The following TMEM200A variants were observed in gnomAD, a reference collection of about 807,000 sequenced individuals.
TMEM200A encodes the protein transmembrane protein 200A.
TMEM200A carries 12 observed loss-of-function variants against 24.3 expected under a neutral mutation model. The ratio of observed to expected loss-of-function variants is 0.49; its 90% CI spans 0.32 to 0.80. TMEM200A has a LOEUF of 0.80. TMEM200A is among the 30% of genes least tolerant of loss of function. The probability of loss-of-function intolerance (pLI) is 0.04; values close to 1 mark genes in which losing one functional copy is unlikely to be tolerated. For missense variants in TMEM200A, 545 were observed against 614.4 expected, an observed-to-expected ratio of 0.89 and a Z score of 1.19; for synonymous variants, 224 against 224.4, an observed-to-expected ratio of 1.00 and a Z score of 0.02.
intron 2 of TMEM200A, among the ~76,000 whole-genome samples, chr6:130,420,021 A>G (rs746764873): frequency 8.5e-5 from 13 of 152,102 alleles, no homozygotes; most frequent in Non-Finnish European, 1.9e-4. Context: ...TTATAAGGAC[A>G]TTAATCCTCT....
chr6:130,386,778 A>G (rs1778721704), intron 2 of TMEM200A, among the ~76,000 whole-genome samples: 1 of 152,222 alleles, frequency 6.6e-6, no homozygotes, highest in East Asian at 1.9e-4. Flanking sequence ...AGCTTGGAGC[A>G]TTTTCAAATA....
intron 2 of TMEM200A, among the ~76,000 whole-genome samples, chr6:130,435,582 A>G (rs1327783587): frequency 6.6e-6 from 1 of 152,230 alleles, no homozygotes; most frequent in Admixed American, 6.5e-5. Context: ...TCTTTGCTCT[A>G]TACTTTCTTC....
chr6:130,393,403 T>G (rs1027136588), intron 2 of TMEM200A, among the ~76,000 whole-genome samples: 4 of 152,340 alleles, frequency 2.6e-5, no homozygotes, highest in African/African-American at 9.6e-5. Context: ...GAAGTAATTT[T>G]TCAACAAATG....
intron 2 of TMEM200A, among the ~76,000 whole-genome samples, chr6:130,409,212 T>C (rs1421622751): frequency 1.3e-5 from 2 of 152,200 alleles, no homozygotes; most frequent in African/African-American, 2.4e-5. Flanking sequence ...CCAATAATCA[T>C]TTCTAATTCT....
rs562137142 is a variant in TMEM200A at position 130,393,777 on chromosome 6, A to G, written c.-17+8541A>G. 5.3e-5 allele frequency among the ~76,000 whole-genome samples: 8 copies of G among 152,324 alleles called. No individual in the cohort carries two copies. In the South Asian group the frequency reaches 1.7e-3, roughly 32 times the overall value. ...GATGACCAAAACACCATTTAGTAAC[A>G]TCACTAACCATTTTATGCCATGATG... On this transcript the variant is annotated intron_variant, in intron 2 of 2. Transcript: ENST00000296978.
At chr6:130,398,356 T>C (rs1298293696) in intron 2 of TMEM200A, among the ~76,000 whole-genome samples, 1 of 152,144 alleles carries the variant, frequency 6.6e-6, no homozygotes, top group African/African-American at 2.4e-5. Flanking sequence ...ATTTTCTTTA[T>C]CCAGTCTACC....
At position 130,370,099 on chromosome 6, in the gene TMEM200A, T is replaced by C. The variant is rs1399145541; in HGVS notation, c.-81+3575T>C. Among the ~76,000 whole-genome samples the C allele has an allele frequency of 2.0e-5, 3 of 152,140 alleles. No individual in the cohort carries two copies. The East Asian group carries it at 5.8e-4, about 29-fold the overall frequency. On this transcript the variant is annotated intron_variant, in intron 1 of 2. Coordinates refer to ENST00000296978, the MANE Select transcript of TMEM200A (RefSeq NM_001258277.2). ...ACTTACACAACTTTGTCGAGGTTCT[T>C]TCTCTCTCTCCCCATTTCTCAGTCC...
intron 2 of TMEM200A, among the ~76,000 whole-genome samples, chr6:130,426,769 C>A (rs530590723): frequency 6.6e-6 from 1 of 152,286 alleles, no homozygotes; most frequent in South Asian, 2.1e-4. Context: ...AGAGAAAGTT[C>A]ATCGATGCTG....
At chr6:130,424,282 C>T (rs901557619) in intron 2 of TMEM200A, among the ~76,000 whole-genome samples, 2 of 152,096 alleles carry the variant, frequency 1.3e-5, no homozygotes, top group East Asian at 1.9e-4. Flanking sequence ...AAATTACAGA[C>T]GTTTTCTGAG....
At chr6:130,376,578 C>T (rs1778461317) in intron 1 of TMEM200A, among the ~76,000 whole-genome samples, 1 of 152,116 alleles carries the variant, frequency 6.6e-6, no homozygotes, top group South Asian at 2.1e-4. Flanking sequence ...AGCCACTGCA[C>T]CCAGCAAAAT....
At chr6:130,380,103 A>C (rs1238289603) in intron 1 of TMEM200A, among the ~76,000 whole-genome samples, 1 of 152,210 alleles carries the variant, frequency 6.6e-6, no homozygotes, top group Non-Finnish European at 1.5e-5. Context: ...ATGTAGTATA[A>C]CCTTCAAATT....
At chr6:130,402,320 A>C (rs1779108233) in intron 2 of TMEM200A, among the ~76,000 whole-genome samples, 1 of 152,072 alleles carries the variant, frequency 6.6e-6, no homozygotes, top group Non-Finnish European at 1.5e-5. Context: ...AGGAGAGACA[A>C]CGCTGTTCAT....
Position 130,403,418 on chromosome 6 carries a change from G to C in TMEM200A, c.-17+18182G>C, listed in dbSNP as rs17058920. On this transcript the variant is annotated intron_variant, in intron 2 of 2. Coordinates refer to ENST00000296978, the MANE Select transcript of TMEM200A (RefSeq NM_001258277.2). ...TTTCGATAAACGGTATCCAGAATTA[G>C]TTCTTTTTTAACTTTGAGGTATTTT... Among the ~76,000 whole-genome samples the C allele has an allele frequency of 5.0e-3, 762 of 152,052 alleles. 9 individuals are homozygous for C. Among genetic ancestry groups the C allele is most frequent in the African/African-American group, 0.016 (657 of 41,516 alleles).
At chr6:130,388,786 A>G (rs1318272451) in intron 2 of TMEM200A, among the ~76,000 whole-genome samples, 1 of 152,210 alleles carries the variant, frequency 6.6e-6, no homozygotes, top group Non-Finnish European at 1.5e-5. Flanking sequence ...TACAGAAAGT[A>G]TCATTGCCCC....
intron 2 of TMEM200A, among the ~76,000 whole-genome samples, chr6:130,400,900 G>A (rs924544922): frequency 3.9e-5 from 6 of 152,040 alleles, no homozygotes; most frequent in Admixed American, 1.3e-4. Flanking sequence ...AACCCACACA[G>A]TTGTTACAGA....
At chr6:130,404,739 CT>C (rs1779167420) in intron 2 of TMEM200A, among the ~76,000 whole-genome samples, 2 of 152,156 alleles carry the variant, frequency 1.3e-5, no homozygotes, top group Non-Finnish European at 2.9e-5. Context: ...GTCATGGAAT[CT>C]TTGCCCTTAC....
At position 130,442,889 on chromosome 6, in the gene TMEM200A, AC is replaced by A. The variant is rs1780232016; in HGVS notation, c.*992del. ...ACATTTCTTTTTACCTTCATATGCC[AC>A]TATCTCGGTAGTTCAAAAAAATTTA... is the stretch of plus-strand genomic sequence containing the variant. On this transcript the variant is annotated 3_prime_UTR_variant, in exon 3 of 3. Transcript: ENST00000296978. 6.0e-6 allele frequency: 1 copy of A among 166,134 alleles called. No individual in the cohort carries two copies. Among genetic ancestry groups the A allele is most frequent in the Non-Finnish European group, 1.5e-5 (1 of 67,916 alleles). The allele number at this position is 166,134 out of a possible 1,614,324, so 10.3% of individuals were successfully genotyped here. A position where few individuals can be genotyped will look rare whatever the true frequency, so the allele number is the denominator to read the frequency against.
intron 2 of TMEM200A, among the ~76,000 whole-genome samples, chr6:130,432,810 A>C (rs531986662): frequency 1.1e-4 from 16 of 152,304 alleles, no homozygotes; most frequent in Non-Finnish European, 1.9e-4. Flanking sequence ...TGCATTTATT[A>C]TCCCCTCTTC....
At chr6:130,435,052 A>C (rs1361094858) in intron 2 of TMEM200A, among the ~76,000 whole-genome samples, 2 of 136,916 alleles carry the variant, frequency 1.5e-5, no homozygotes, top group Admixed American at 7.2e-5. Context: ...AGCACTGGGA[A>C]TGAAAAAAAA....
Sources: gnomAD v4.1 joint callset for allele counts (sites outside exome capture counted in the v4.1 genomes callset) on GRCh38, gnomAD v4.1.1 for gene constraint, MANE v1.5 for transcripts, NCBI Gene and HGNC (gene_info 2026-07-23, HGNC 2026-07-21) for gene names.